The following PDE4D variants were observed in gnomAD, a reference collection of about 807,000 sequenced individuals.
PDE4D encodes 3',5'-cyclic-AMP phosphodiesterase 4D.
PDE4D carries 24 observed loss-of-function variants against 87.4 expected under a neutral mutation model. The ratio of observed to expected loss-of-function variants is 0.27; its 90% CI spans 0.20 to 0.39. The LOEUF is 0.39. PDE4D is among the 10% of genes least tolerant of loss of function. PDE4D has a pLI of 1.00. For missense variants in PDE4D, 714 were observed against 1,041.0 expected (o/e 0.69, Z 4.32); for synonymous variants, 384 against 383.2 (o/e 1.00, Z -0.02).
chr5:59,612,159 A>G (rs1037353331), intron 1 of PDE4D, among the ~76,000 whole-genome samples: 13 of 152,178 alleles, frequency 8.5e-5, no homozygotes, highest in Non-Finnish European at 1.6e-4. Flanking sequence ...TTTGAGAGCA[A>G]CAGCACAGTC....
chr5:60,258,994 T>C (rs1407620426), intron 1 of PDE4D, among the ~76,000 whole-genome samples: 1 of 152,010 alleles, frequency 6.6e-6, no homozygotes, highest in African/African-American at 2.4e-5. Flanking sequence ...GGTAGTGAAA[T>C]GATAGGGTTT....
intron 1 of PDE4D, among the ~76,000 whole-genome samples, chr5:59,331,524 AG>A (rs1484612854): frequency 6.6e-6 from 1 of 152,182 alleles, no homozygotes; most frequent in African/African-American, 2.4e-5. Flanking sequence ...CTGAGGTCCT[AG>A]GTTAGGACTT....
At chr5:59,519,899 AC>A (rs1432432756) in intron 1 of PDE4D, among the ~76,000 whole-genome samples, 2 of 127,772 alleles carry the variant, frequency 1.6e-5, no homozygotes, top group Non-Finnish European at 3.2e-5. Context: ...TGTATCCACC[AC>A]CCCCCAAATA....
At position 59,768,757 on chromosome 5, in the gene PDE4D, T is replaced by C. The variant is rs1170482911; in HGVS notation, c.455+124411A>G. 10 of 857,222 alleles carry C rather than the reference T, an allele frequency of 1.2e-5. No individual in the cohort carries two copies. The East Asian group carries it at 2.1e-4, about 18-fold the overall frequency. 53.1% of individuals were successfully genotyped at this position (857,222 alleles called of 1,614,324 possible). ...GCCAAAGATCACTGACAAGCTCGCA[T>C]AGCAAATGAACAAGGAGGGAAAGCA... On this transcript the variant is annotated intron_variant, in intron 1 of 14. Coordinates refer to ENST00000340635, the MANE Select transcript of PDE4D (RefSeq NM_001104631.2).
chr5:59,029,485 ACTAC>A (rs1756932160), intron 6 of PDE4D, among the ~76,000 whole-genome samples: 2 of 151,918 alleles, frequency 1.3e-5, no homozygotes, highest in Admixed American at 1.3e-4. Context: ...TACACTGGAA[ACTAC>A]AAGACATTGA....
At position 59,073,507 on chromosome 5, in the gene PDE4D, C is replaced by T. The variant is rs1391652; in HGVS notation, c.809-34536G>A. On this transcript the variant is annotated intron_variant, in intron 5 of 14. Coordinates refer to ENST00000340635, the MANE Select transcript of PDE4D (RefSeq NM_001104631.2). Reference sequence around the variant, plus strand: ...AAGATACAGAAAATAAAGTGGGGGGCGGGGGGGGCGGGTGGTTGGAGATGA... The same window carrying T: ...AAGATACAGAAAATAAAGTGGGGGGTGGGGGGGGCGGGTGGTTGGAGATGA... 3.0e-3 allele frequency among the ~76,000 whole-genome samples: 115 copies of T among 38,202 alleles called. 3 individuals are homozygous for T. Among genetic ancestry groups the T allele is most frequent in the Middle Eastern group, 0.017 (1 of 60 alleles). The allele number at this position is 38,202 out of a possible 152,430, so 25.1% of individuals were successfully genotyped here.
At chr5:60,429,563 C>A (rs1744014718) in intron 1 of PDE4D, among the ~76,000 whole-genome samples, 1 of 152,234 alleles carries the variant, frequency 6.6e-6, no homozygotes, top group Non-Finnish European at 1.5e-5. Context: ...GAGGAATACT[C>A]CCAGCTTTTG....
chr5:60,423,090 T>C (rs1480274974), intron 1 of PDE4D, among the ~76,000 whole-genome samples: 4 of 152,170 alleles, frequency 2.6e-5, no homozygotes, highest in African/African-American at 9.7e-5. Flanking sequence ...CACATAATAA[T>C]AATGGGACAC....
intron 1 of PDE4D, among the ~76,000 whole-genome samples, chr5:59,683,198 G>A (rs1161137910): frequency 6.6e-6 from 1 of 152,122 alleles, no homozygotes; most frequent in African/African-American, 2.4e-5. Flanking sequence ...TATCAATAAG[G>A]AAACGTGTGT....
At chr5:60,356,424 G>T (rs1388146989) in intron 1 of PDE4D, among the ~76,000 whole-genome samples, 1 of 152,104 alleles carries the variant, frequency 6.6e-6, no homozygotes, top group African/African-American at 2.4e-5. Flanking sequence ...GGCTGCAGTT[G>T]TTATTTTTAT....
At chr5:59,851,575 T>C (rs1400495780) in intron 1 of PDE4D, among the ~76,000 whole-genome samples, 1 of 152,030 alleles carries the variant, frequency 6.6e-6, no homozygotes, top group Non-Finnish European at 1.5e-5. Context: ...ATTCTGTTTT[T>C]TTCAGATATA....
At chr5:59,047,574 T>C (rs1760898325) in intron 5 of PDE4D, among the ~76,000 whole-genome samples, 1 of 152,164 alleles carries the variant, frequency 6.6e-6, no homozygotes, top group African/African-American at 2.4e-5. Flanking sequence ...AGTTAAGAGG[T>C]TGGTGACCAG....
chr5:59,225,979 A>T (rs1753693246), intron 1 of PDE4D, among the ~76,000 whole-genome samples: 1 of 151,226 alleles, frequency 6.6e-6, no homozygotes, highest in South Asian at 2.1e-4. Context: ...TCCTGTTAGG[A>T]TGGCCATTAT....
chr5:60,129,708 G>A (rs1162929429), intron 2 of PDE4D, among the ~76,000 whole-genome samples: 1 of 152,128 alleles, frequency 6.6e-6, no homozygotes, highest in African/African-American at 2.4e-5. Flanking sequence ...TGCTGTTAGA[G>A]TTTTTGTATT....
At chr5:60,334,474 T>G (rs1287884399) in intron 1 of PDE4D, among the ~76,000 whole-genome samples, 1 of 152,160 alleles carries the variant, frequency 6.6e-6, no homozygotes, top group Non-Finnish European at 1.5e-5. Flanking sequence ...GTGATCCCAG[T>G]AGCCACAGGG....
At chr5:59,146,686 A>AG (rs542129518) in intron 5 of PDE4D, among the ~76,000 whole-genome samples, 299 of 152,290 alleles carry the variant, frequency 2.0e-3, no homozygotes, top group African/African-American at 6.8e-3. Context: ...GCAGTGCAAT[A>AG]GGATTACATT....
At chr5:59,953,642 C>G (rs1758529666) in intron 3 of PDE4D, among the ~76,000 whole-genome samples, 1 of 152,286 alleles carries the variant, frequency 6.6e-6, no homozygotes, top group South Asian at 2.1e-4. Context: ...AAAGGCTGGG[C>G]AGGCCCAGCG....
At chr5:60,202,015 A>G (rs959810032) in intron 1 of PDE4D, among the ~76,000 whole-genome samples, 8 of 152,226 alleles carry the variant, frequency 5.3e-5, no homozygotes, top group Admixed American at 2.6e-4. Flanking sequence ...GATGAATTCA[A>G]ACTTTAAATA....
At chr5:60,256,726 C>T (rs912122395) in intron 1 of PDE4D, among the ~76,000 whole-genome samples, 1 of 151,834 alleles carries the variant, frequency 6.6e-6, no homozygotes, top group Non-Finnish European at 1.5e-5. Context: ...GTGGAGGAGA[C>T]AGAACTGAAG....
Sources: allele counts gnomAD v4.1 joint callset (sites outside exome capture counted in the v4.1 genomes callset), GRCh38; gene constraint gnomAD v4.1.1; transcripts MANE v1.5; gene names NCBI Gene and HGNC (gene_info 2026-07-23, HGNC 2026-07-21).